The following ARHGAP8 variants were observed in gnomAD, a reference collection of about 807,000 sequenced individuals.
The protein encoded by ARHGAP8 is rho GTPase-activating protein 8.
Under a neutral mutation model 46.1 loss-of-function variants are expected in ARHGAP8, and 62 were observed. The ratio of observed to expected loss-of-function variants is 1.34; its 90% CI spans 1.10 to 1.66. The LOEUF is 1.66. ARHGAP8 is among the 40% of genes most tolerant of loss of function. ARHGAP8 has a pLI of 0.00. For synonymous variants in ARHGAP8, 375 were observed against 243.1 expected (o/e 1.54, Z -5.05); for missense variants, 923 against 568.4 (o/e 1.62, Z -6.34).
chr22:44,784,961 C>T (rs1396650092), intron 1 of ARHGAP8, among the ~76,000 whole-genome samples: 2 of 152,202 alleles, frequency 1.3e-5, no homozygotes, highest in Non-Finnish European at 2.9e-5. Flanking sequence ...GCCTTGGCCC[C>T]ATCCCCCGCC....
chr22:44,858,631 A>G (rs1476362365), intron 10 of ARHGAP8, among the ~76,000 whole-genome samples: 1 of 144,866 alleles, frequency 6.9e-6, no homozygotes, highest in Non-Finnish European at 1.5e-5. Flanking sequence ...TCGGCCTCCC[A>G]AAGTGTTGGG....
intron 1 of ARHGAP8, among the ~76,000 whole-genome samples, chr22:44,757,735 C>T (rs1602135298): frequency 6.6e-6 from 1 of 151,954 alleles, no homozygotes; most frequent in Non-Finnish European, 1.5e-5. Context: ...GCCTCCTGGG[C>T]TCAAATGATT....
intron 2 of ARHGAP8, among the ~76,000 whole-genome samples, chr22:44,793,678 A>T (rs1927872534): frequency 6.6e-6 from 1 of 152,184 alleles, no homozygotes; most frequent in Non-Finnish European, 1.5e-5. Context: ...TTCTTTATTC[A>T]TAAACCAGGC....
In ARHGAP8 at chr22:44,790,335, G is replaced by A. The variant is rs543401813; in HGVS notation, c.79+3729G>A. ...ACTGGGGGTGAGGGTTGTCACATGGGATGAGGTTTCCAGGGGTGTAAAGGA... is the reference window on the plus strand; with the variant it reads ...ACTGGGGGTGAGGGTTGTCACATGGAATGAGGTTTCCAGGGGTGTAAAGGA... On this transcript the variant is annotated intron_variant, in intron 2 of 11. Transcript: ENST00000356099. Among the ~76,000 whole-genome samples the A allele has an allele frequency of 1.3e-4, 19 of 149,974 alleles. No homozygotes were observed. In the East Asian group the frequency reaches 3.5e-3, roughly 28 times the overall value.
At chr22:44,826,090 T>G (rs1435972029) in intron 7 of ARHGAP8, among the ~76,000 whole-genome samples, 8 of 151,922 alleles carry the variant, frequency 5.3e-5, no homozygotes, top group African/African-American at 1.9e-4. Context: ...GGCGTGGTCA[T>G]GGGATGTGCT....
intron 1 of ARHGAP8, among the ~76,000 whole-genome samples, chr22:44,764,087 C>T (rs1925365387): frequency 6.6e-6 from 1 of 152,168 alleles, no homozygotes; most frequent in Non-Finnish European, 1.5e-5. Context: ...GCTGGGATTA[C>T]AGGCGTGAGC....
At chr22:44,827,515 G>A (rs1930623668) in intron 7 of ARHGAP8, among the ~76,000 whole-genome samples, 1 of 151,984 alleles carries the variant, frequency 6.6e-6, no homozygotes, top group African/African-American at 2.4e-5. Context: ...GCTAATGTTT[G>A]TATTTTTAGT....
intron 7 of ARHGAP8, among the ~76,000 whole-genome samples, chr22:44,835,231 C>CTATATATA (rs71188491): frequency 1.3e-3 from 184 of 146,934 alleles, no homozygotes; most frequent in South Asian, 8.6e-3. Context: ...GTTTCTTTTG[C>CTATATATA]TATATATATA....
chr22:44,794,593 C>G (rs940810003), intron 2 of ARHGAP8, among the ~76,000 whole-genome samples: 1 of 152,034 alleles, frequency 6.6e-6, no homozygotes, highest in Non-Finnish European at 1.5e-5. Flanking sequence ...ACCTGTAGTC[C>G]CAGCTACCGT....
Position 44,786,589 on chromosome 22 carries a change from G to A in ARHGAP8, c.62G>A (p.Gly21Asp), listed in dbSNP as rs148741292. 7.0e-5 allele frequency: 113 copies of A among 1,613,150 alleles called. 1 individual carries two copies. Among genetic ancestry groups the A allele is most frequent in the Non-Finnish European group, 9.2e-5 (109 of 1,179,722 alleles). ...SHPFYDVARH[G>D]ILQVAGDDRF... ...CCGTTCTACGACGTGGCCAGACATG[G>A]CATTCTGCAGGTGGCAGGTAGGGCC... The change falls in exon 2 of 12, where the codon GGC (glycine) becomes GAC (aspartate). Residue 21 changes from glycine to aspartate, a missense_variant. Gly to Asp is a moderately conservative substitution (Grantham distance 94, BLOSUM62 -1). Transcript: ENST00000356099.
chr22:44,858,099 C>T (rs1414584983), intron 10 of ARHGAP8, among the ~76,000 whole-genome samples: 1 of 152,182 alleles, frequency 6.6e-6, no homozygotes, highest in Non-Finnish European at 1.5e-5. Context: ...GACTGAACAA[C>T]AGCTTGATTT....
chr22:44,793,827 G>A (rs543576537), intron 2 of ARHGAP8, among the ~76,000 whole-genome samples: 11 of 152,274 alleles, frequency 7.2e-5, no homozygotes, highest in African/African-American at 2.2e-4. Context: ...ATATCATATT[G>A]AAGCCTGGTT....
At chr22:44,812,692 G>A (rs1474279580) in intron 4 of ARHGAP8, among the ~76,000 whole-genome samples, 1 of 152,068 alleles carries the variant, frequency 6.6e-6, no homozygotes, top group Non-Finnish European at 1.5e-5. Flanking sequence ...AACATTTCTT[G>A]GAGAGATGCT....
intron 1 of ARHGAP8, among the ~76,000 whole-genome samples, chr22:44,781,854 A>G (rs1926870272): frequency 1.3e-5 from 2 of 150,590 alleles, no homozygotes; most frequent in Admixed American, 6.6e-5. Context: ...TTATTTTTAG[A>G]GACAGGATCT....
intron 1 of ARHGAP8, among the ~76,000 whole-genome samples, chr22:44,754,751 G>A (rs569778670): frequency 2.8e-4 from 42 of 152,210 alleles, no homozygotes; most frequent in Non-Finnish European, 5.6e-4. Context: ...GCTATTCATG[G>A]GCACACTGTA....
In ARHGAP8 at chr22:44,836,597, G is replaced by A. The variant is rs1376782468; in HGVS notation, c.597-8672G>A. On this transcript the variant is annotated intron_variant, in intron 7 of 11. Coordinates refer to ENST00000356099, the MANE Select transcript of ARHGAP8 (RefSeq NM_181335.3). ...TCAGTGCACAGTGGTCACTGTGATCGTTCACATGCACTGCCCATTTCTCTG... is the reference window on the plus strand; with the variant it reads ...TCAGTGCACAGTGGTCACTGTGATCATTCACATGCACTGCCCATTTCTCTG... 1.1e-4 allele frequency among the ~76,000 whole-genome samples: 17 copies of A among 151,108 alleles called. No homozygotes were observed. The East Asian group carries it at 1.8e-3, about 16-fold the overall frequency.
rs546847151 is a variant in ARHGAP8, at chr22:44,777,997, A to T, written c.-71-8460A>T. 1.2e-3 allele frequency among the ~76,000 whole-genome samples: 166 copies of T among 142,186 alleles called. 4 individuals carry two copies. In the East Asian group the frequency reaches 0.031, roughly 27 times the overall value. The allele number at this position is 142,186 out of a possible 152,430, so 93.3% of individuals were successfully genotyped here. A position where few individuals can be genotyped will look rare whatever the true frequency, so the allele number is the denominator to read the frequency against. ...AGGCATGAGCCACTGTGCCTGGACT[A>T]TTTTATTTATTTATTTATTTATTTA... On this transcript the variant is annotated intron_variant, in intron 1 of 11. Coordinates refer to ENST00000356099, the MANE Select transcript of ARHGAP8 (RefSeq NM_181335.3).
rs759368624 is a variant in ARHGAP8, at chr22:44,862,767, T to C, written c.*172T>C. On this transcript the variant is annotated 3_prime_UTR_variant, in exon 12 of 12. Transcript: ENST00000356099. ...ACTCTTGTCCATGGTTCCTGAGCTG[T>C]GGACCGGGATAGAATAATGCATTTG... The C allele has an allele frequency of 2.5e-6, 2 of 796,060 alleles. No homozygotes were observed. Among genetic ancestry groups the C allele is most frequent in the East Asian group, 2.7e-5 (1 of 36,758 alleles). 49.3% of individuals were successfully genotyped at this position (796,060 alleles called of 1,614,324 possible). A position where few individuals can be genotyped will look rare whatever the true frequency, so the allele number is the denominator to read the frequency against.
chr22:44,844,233 GT>G (rs1444974551), intron 7 of ARHGAP8, among the ~76,000 whole-genome samples: 1 of 152,068 alleles, frequency 6.6e-6, no homozygotes, highest in African/African-American at 2.4e-5. Context: ...GCCTCCCAAA[GT>G]GCTGGAATTA....
Sources: allele counts gnomAD v4.1 joint callset (sites outside exome capture counted in the v4.1 genomes callset), GRCh38; gene constraint gnomAD v4.1.1; transcripts MANE v1.5; gene names NCBI Gene and HGNC (gene_info 2026-07-23, HGNC 2026-07-21).